Variants in SPATA13 observed in about 807,000 individuals in gnomAD.
SPATA13 encodes spermatogenesis associated 13.
SPATA13 carries 50 observed loss-of-function variants against 104.0 expected under a neutral mutation model. The observed-to-expected ratio is 0.48, with a 90% CI of 0.38 to 0.61. SPATA13 has a LOEUF of 0.61. SPATA13 is among the 20% of genes least tolerant of loss of function. The probability of loss-of-function intolerance (pLI) is 0.00; values close to 1 mark genes in which losing one functional copy is unlikely to be tolerated. For missense variants in SPATA13, 1,524 were observed against 1,690.6 expected (o/e 0.90, Z 1.73); for synonymous variants, 606 against 667.5 (o/e 0.91, Z 1.42).
At chr13:24,289,419 G>A (rs1406440405) in intron 8 of SPATA13, among the ~76,000 whole-genome samples, 3 of 152,092 alleles carry the variant, frequency 2.0e-5, no homozygotes, top group Non-Finnish European at 4.4e-5. Context: ...GGAATTAGGG[G>A]GTTACATTTG....
rs189194466 is a variant in SPATA13 at position 24,016,615 on chromosome 13, T to G, written c.-146-1052T>G. ...AGGCTCAGTGTCCAGGGCCCGGGCA[T>G]GGCCTGCAGGGCTGTGGGGGTACCT... On this transcript the variant is annotated intron_variant, in intron 2 of 14. Coordinates refer to the SPATA13 transcript ENST00000424834. 6.2e-3 allele frequency among the ~76,000 whole-genome samples: 945 copies of G among 152,300 alleles called. 3 individuals carry two copies. Among genetic ancestry groups the G allele is most frequent in the Middle Eastern group, 0.017 (5 of 294 alleles).
intron 7 of SPATA13, among the ~76,000 whole-genome samples, chr13:24,288,164 A>C (rs927909672): frequency 1.3e-5 from 2 of 152,216 alleles, no homozygotes; most frequent in Admixed American, 6.5e-5. Flanking sequence ...CAGCTACCAC[A>C]GCATTCCCCC....
At chr13:24,041,404 C>T (rs1258466670) in intron 3 of SPATA13, among the ~76,000 whole-genome samples, 1 of 152,120 alleles carries the variant, frequency 6.6e-6, no homozygotes, top group African/African-American at 2.4e-5. Context: ...ATCCATGATG[C>T]CTATGTCCAA....
intron 2 of SPATA13, among the ~76,000 whole-genome samples, chr13:24,229,954 A>T (rs1431099483): frequency 6.6e-6 from 1 of 152,212 alleles, no homozygotes; most frequent in African/African-American, 2.4e-5. Context: ...GAGGACTTGC[A>T]GTTCTCACCC....
intron 2 of SPATA13, among the ~76,000 whole-genome samples, chr13:23,997,970 G>A (rs1875775297): frequency 6.6e-6 from 1 of 152,170 alleles, no homozygotes; most frequent in Non-Finnish European, 1.5e-5. Flanking sequence ...CAGCCAGTTG[G>A]GAATGAACAT....
At chr13:24,200,958 C>T (rs1324609699) in intron 1 of SPATA13, among the ~76,000 whole-genome samples, 3 of 146,278 alleles carry the variant, frequency 2.1e-5, no homozygotes, top group Non-Finnish European at 4.6e-5. Context: ...TCTTTTTTTT[C>T]CCCCTCACAG....
At chr13:24,301,867 A>T (rs903341405) in intron 12 of SPATA13, among the ~76,000 whole-genome samples, 1 of 152,264 alleles carries the variant, frequency 6.6e-6, no homozygotes, top group African/African-American at 2.4e-5. Context: ...TTGAGGGCAC[A>T]GTTCTAAGCA....
intron 3 of SPATA13, among the ~76,000 whole-genome samples, chr13:24,144,114 C>T (rs1881853819): frequency 6.6e-6 from 1 of 152,128 alleles, no homozygotes; most frequent in African/African-American, 2.4e-5. Context: ...CCAGTGGGAT[C>T]TGCAAGGTCA....
chr13:24,012,671 G>A (rs1314618174), intron 2 of SPATA13, among the ~76,000 whole-genome samples: 6 of 152,262 alleles, frequency 3.9e-5, no homozygotes, highest in African/African-American at 1.2e-4. Context: ...ACCCCCAAGT[G>A]TGTGGTGGGC....
intron 3 of SPATA13, among the ~76,000 whole-genome samples, chr13:24,109,659 T>C (rs1198244960): frequency 6.6e-6 from 1 of 152,126 alleles, no homozygotes; most frequent in African/African-American, 2.4e-5. Flanking sequence ...GAATCAGAAC[T>C]AGAACCTACG....
At chr13:24,136,991 G>C (rs549243590) in intron 3 of SPATA13, among the ~76,000 whole-genome samples, 2 of 101,772 alleles carry the variant, frequency 2.0e-5, no homozygotes, top group Non-Finnish European at 4.2e-5. Context: ...CACTACGCCC[G>C]GCTAATTTTT....
In SPATA13 at chr13:24,060,202, C is replaced by A. The variant is rs1014264140; in HGVS notation, c.-112+42501C>A. ...ATACTACATTTTTTGGCTAGAGTAA[C>A]CAAAACAGCATGGTACTGGTACAAA... On this transcript the variant is annotated intron_variant, in intron 3 of 14. Coordinates refer to the SPATA13 transcript ENST00000424834. Among the ~76,000 whole-genome samples the A allele has an allele frequency of 7.9e-5, 12 of 152,218 alleles. No homozygotes were observed. The South Asian group carries it at 2.5e-3, about 32-fold the overall frequency.
rs539157943 is a variant in SPATA13, at chr13:24,188,080, C to T, written c.-112+27148C>T. Among the ~76,000 whole-genome samples, 6 of 152,258 alleles carry T rather than the reference C, an allele frequency of 3.9e-5. No homozygotes were observed. The South Asian group carries it at 1.2e-3, about 32-fold the overall frequency. On this transcript the variant is annotated intron_variant, in intron 1 of 12. Transcript: ENST00000382108. ...TCCAGGCCAGGCGTGGTGGCTCATG[C>T]CTGTAACCCTAGCTCTTTGGGAGGC...
Position 24,302,709 on chromosome 13 carries a change from A to T in SPATA13, c.3770A>T (p.Glu1257Val). ...CAGCAGCAGGTCTTTGGCCTGGCGG[A>T]ACCCAAGAGGAAGTCCTCGCTCTTC... ...VPQQQVFGLA[E>V]PKRKSSLFWH... Residue 1257 changes from glutamate (E) to valine (V), a missense_variant, in exon 13 of 13, where the codon GAA becomes GTA. By Grantham distance (121) the Glu-to-Val change is moderately radical (BLOSUM62 -2). Transcript: ENST00000382108. The T allele has an allele frequency of 2.5e-6, 4 of 1,614,108 alleles. No individual in the cohort carries two copies. The highest frequency in any genetic ancestry group is 3.4e-6 in the Non-Finnish European group (4 of 1,180,026).
intron 3 of SPATA13, among the ~76,000 whole-genome samples, chr13:24,101,446 A>C (rs558649307): frequency 3.2e-4 from 49 of 152,160 alleles, no homozygotes; most frequent in African/African-American, 1.2e-3. Flanking sequence ...AACCCATTTA[A>C]TACTGCTGTG....
chr13:24,265,052 G>T (rs976934379), intron 4 of SPATA13, among the ~76,000 whole-genome samples: 3 of 152,194 alleles, frequency 2.0e-5, no homozygotes, highest in African/African-American at 4.8e-5. Context: ...TGCTTTGAAG[G>T]CATGAAGAGA....
intron 3 of SPATA13, chr13:24,123,764 A>T: frequency 3.7e-6 from 5 of 1,341,798 alleles, no homozygotes; most frequent in Non-Finnish European, 5.3e-6. Context: ...TGCCTTGTAT[A>T]TGGGGCTTTG....
At chr13:24,056,192 A>C (rs1483324855) in intron 3 of SPATA13, among the ~76,000 whole-genome samples, 1 of 152,238 alleles carries the variant, frequency 6.6e-6, no homozygotes. Context: ...TATCAAATGA[A>C]TAAATAGGAA....
intron 3 of SPATA13, among the ~76,000 whole-genome samples, chr13:24,067,485 A>G (rs1041919741): frequency 3.3e-5 from 5 of 152,250 alleles, no homozygotes; most frequent in Non-Finnish European, 5.9e-5. Flanking sequence ...ACGTTTTTGT[A>G]TACATCAAAA....
Sources: gnomAD v4.1 joint callset for allele counts (sites outside exome capture counted in the v4.1 genomes callset) on GRCh38, gnomAD v4.1.1 for gene constraint, MANE v1.5 for transcripts, NCBI Gene and HGNC (gene_info 2026-07-23, HGNC 2026-07-21) for gene names.